EYS: variants seen among roughly 807,000 people sequenced by gnomAD.
The protein encoded by EYS is protein eyes shut homolog.
In EYS, 250 loss-of-function variants were observed where a neutral mutation model predicts 282.1. The ratio of observed to expected loss-of-function variants is 0.89; its 90% CI spans 0.80 to 0.98. The LOEUF is 0.98. Ranked by LOEUF, EYS falls within the 50% of genes least tolerant of loss-of-function variation. EYS has a pLI of 0.00. For synonymous variants in EYS, 1,355 were observed against 1,282.9 expected, an observed-to-expected ratio of 1.06 and a Z score of -1.20; for missense variants, 4,016 against 3,709.0, an observed-to-expected ratio of 1.08 and a Z score of -2.15.
intron 22 of EYS, among the ~76,000 whole-genome samples, chr6:64,694,787 T>G (rs1177508205): frequency 6.6e-6 from 1 of 152,110 alleles, no homozygotes; most frequent in African/African-American, 2.4e-5. Flanking sequence ...TCAGGAGAAG[T>G]TTAGCCTGAG....
chr6:64,175,480 A>G (rs1023751766), intron 31 of EYS, among the ~76,000 whole-genome samples: 3 of 152,146 alleles, frequency 2.0e-5, no homozygotes, highest in Non-Finnish European at 4.4e-5. Context: ...ATTTTGCCCA[A>G]CTGCTTCGTG....
intron 2 of EYS, among the ~76,000 whole-genome samples, chr6:65,546,337 T>A (rs1768385982): frequency 6.6e-6 from 1 of 151,768 alleles, no homozygotes; most frequent in Non-Finnish European, 1.5e-5. Context: ...TTTTTTTTAA[T>A]TCTAGGTTTT....
intron 25 of EYS, 43 bp downstream of exon 25, chr6:64,593,074 T>C (rs1766460999): frequency 7.2e-7 from 1 of 1,396,470 alleles, no homozygotes; most frequent in Non-Finnish European, 9.4e-7. Flanking sequence ...CACACAACTT[T>C]TTCAAACTCA....
At chr6:64,165,857 G>T (rs965910429) in intron 31 of EYS, among the ~76,000 whole-genome samples, 1 of 152,152 alleles carries the variant, frequency 6.6e-6, no homozygotes, top group African/African-American at 2.4e-5. Flanking sequence ...AAGAATAAAA[G>T]CAATGTTTAT....
At chr6:64,651,698 A>T (rs1768567716) in intron 22 of EYS, among the ~76,000 whole-genome samples, 1 of 152,224 alleles carries the variant, frequency 6.6e-6, no homozygotes, top group Admixed American at 6.5e-5. Context: ...AGGAAAAAAA[A>T]ATTCATAAAA....
intron 22 of EYS, among the ~76,000 whole-genome samples, chr6:64,771,871 G>T (rs567210132): frequency 6.6e-6 from 1 of 151,842 alleles, no homozygotes; most frequent in Admixed American, 6.6e-5. Flanking sequence ...TCACCTCATT[G>T]CATTATGCAG....
chr6:64,389,350 G>A (rs946369206), intron 28 of EYS, among the ~76,000 whole-genome samples: 1 of 152,138 alleles, frequency 6.6e-6, no homozygotes, highest in African/African-American at 2.4e-5. Context: ...TAATTAGGGA[G>A]ATCAGAGTAA....
At chr6:64,354,220 A>G (rs1582642916) in intron 29 of EYS, among the ~76,000 whole-genome samples, 2 of 151,674 alleles carry the variant, frequency 1.3e-5, no homozygotes, top group African/African-American at 4.8e-5. Context: ...AAACAATTAC[A>G]TAATCTTTTC....
intron 24 of EYS, among the ~76,000 whole-genome samples, chr6:64,601,692 C>T (rs188896568): frequency 2.6e-5 from 4 of 152,132 alleles, no homozygotes; most frequent in South Asian, 4.1e-4. Flanking sequence ...ATTTTAAGAA[C>T]CTGAATAAGA....
chr6:64,584,371 T>G (rs879450198), intron 26 of EYS, among the ~76,000 whole-genome samples: 21 of 151,706 alleles, frequency 1.4e-4, no homozygotes, highest in Non-Finnish European at 2.8e-4. Context: ...GCCACCATAT[T>G]ATGATAATAG....
At chr6:64,296,599 T>TATATATATATA (rs1491189857) in intron 30 of EYS, among the ~76,000 whole-genome samples, 4 of 3,078 alleles carry the variant, frequency 1.3e-3, no homozygotes, top group Admixed American at 3.4e-3. Context: ...TATATATATA[T>TATATATATATA]TTTTTTTTTT....
Position 65,295,965 on chromosome 6 carries a change from C to T in EYS, c.1921G>A (p.Glu641Lys). The T allele has an allele frequency of 6.4e-7, 1 of 1,551,188 alleles. No individual in the cohort carries two copies. The highest frequency in any genetic ancestry group is 8.7e-7 in the Non-Finnish European group (1 of 1,146,514). The change falls in exon 12 of 43, where the codon GAG (glutamate) becomes AAG (lysine). Residue 641 changes from glutamate to lysine, a missense_variant. Transcript: ENST00000503581. ...GLQRYERNIC[E>K]IDTEDCKSAS... is the part of the protein sequence containing the mutation. ...GATTTGCAGTCTTCAGTATCTATCT[C>T]ACAGATGTTCCTTTCATATCTTTGC...
intron 2 of EYS, among the ~76,000 whole-genome samples, chr6:65,547,783 G>A (rs1259262204): frequency 2.0e-5 from 3 of 152,088 alleles, no homozygotes; most frequent in Non-Finnish European, 2.9e-5. Context: ...TGGTTATAGT[G>A]ACAATGTTGC....
intron 22 of EYS, among the ~76,000 whole-genome samples, chr6:64,739,526 T>C (rs1772297092): frequency 6.6e-6 from 1 of 152,174 alleles, no homozygotes; most frequent in South Asian, 2.1e-4. Flanking sequence ...TTAGGCATCT[T>C]AATCTCTAAT....
At chr6:64,604,672 G>T (rs1766867741) in intron 24 of EYS, among the ~76,000 whole-genome samples, 2 of 152,026 alleles carry the variant, frequency 1.3e-5, no homozygotes, top group Non-Finnish European at 2.9e-5. Flanking sequence ...GAAAGCACAA[G>T]TTCATTGATT....
rs896830492 is a variant in EYS, at chr6:63,935,207, T to C, written c.7055+49176A>G. ...AGAAGCTGCCTAAAGCAGGAGCTTG[T>C]CTGCCTTGTTCACTGCTGAATTTCC... On this transcript the variant is annotated intron_variant, in intron 35 of 42. Transcript: ENST00000503581. 4.6e-5 allele frequency among the ~76,000 whole-genome samples: 7 copies of C among 152,374 alleles called. No homozygotes were observed. In the South Asian group the frequency reaches 1.4e-3, roughly 32 times the overall value.
intron 12 of EYS, among the ~76,000 whole-genome samples, chr6:65,133,921 AG>A (rs1441950839): frequency 2.2e-5 from 3 of 134,500 alleles, no homozygotes; most frequent in Non-Finnish European, 3.2e-5. Flanking sequence ...CAAATTTACA[AG>A]AAAAAAAAAC....
At chr6:65,146,362 G>T (rs1004130537) in intron 12 of EYS, among the ~76,000 whole-genome samples, 1 of 151,812 alleles carries the variant, frequency 6.6e-6, no homozygotes, top group African/African-American at 2.4e-5. Flanking sequence ...CACTTAGAAA[G>T]AATTCCTAAT....
At chr6:64,343,219 A>T (rs1334538278) in intron 29 of EYS, among the ~76,000 whole-genome samples, 9 of 152,092 alleles carry the variant, frequency 5.9e-5, no homozygotes, top group Non-Finnish European at 1.0e-4. Flanking sequence ...ATAGACATCT[A>T]CAGAACTCTC....
Sources: gnomAD v4.1 joint callset for allele counts (sites outside exome capture counted in the v4.1 genomes callset) on GRCh38, gnomAD v4.1.1 for gene constraint, MANE v1.5 for transcripts, NCBI Gene and HGNC (gene_info 2026-07-23, HGNC 2026-07-21) for gene names.